The following RIMS3 variants were observed in gnomAD, a reference collection of about 807,000 sequenced individuals.
RIMS3 encodes the protein regulating synaptic membrane exocytosis protein 3.
Under a neutral mutation model 29.2 loss-of-function variants are expected in RIMS3, and 15 were observed. The ratio of observed to expected loss-of-function variants is 0.51; its 90% CI spans 0.34 to 0.79. RIMS3 has a LOEUF of 0.79. Among genes scored for constraint, RIMS3 ranks in the 30% least tolerant of loss-of-function variants. The probability of loss-of-function intolerance (pLI) is 0.01; values close to 1 mark genes in which losing one functional copy is unlikely to be tolerated. For synonymous variants in RIMS3, 161 were observed against 170.1 expected (o/e 0.95, Z 0.41); for missense variants, 342 against 421.4 (o/e 0.81, Z 1.65).
intron 1 of RIMS3, among the ~76,000 whole-genome samples, 180 bp downstream of exon 1, chr1:40,665,214 C>T (rs1256114836): frequency 6.6e-6 from 1 of 151,988 alleles, no homozygotes; most frequent in South Asian, 2.1e-4. Flanking sequence ...CTCTCTCATC[C>T]CTTAGTCCCC....
chr1:40,648,839 A>G (rs370332145), intron 1 of RIMS3, among the ~76,000 whole-genome samples: 63 of 152,276 alleles, frequency 4.1e-4, no homozygotes, highest in South Asian at 2.1e-3. Flanking sequence ...CCAGCATCTC[A>G]GCTCCTGACC....
At chr1:40,677,536 A>T in the RIMS3 span, among the ~76,000 whole-genome samples, 1 of 151,600 alleles carries the variant, frequency 6.6e-6, no homozygotes, top group Non-Finnish European at 1.5e-5. Flanking sequence ...GTCTTCACTA[A>T]AAATACAAAA....
At chr1:40,683,312 A>G in the RIMS3 span, among the ~76,000 whole-genome samples, 119,669 of 152,246 alleles carry the variant, frequency 0.79, 47,674 homozygotes, top group African/African-American at 0.9. Context: ...AACGTTGAGA[A>G]GTGGAACACT....
chr1:40,622,853 GGCA>G lies in RIMS3; in HGVS notation c.*3661_*3663del, dbSNP rs1476190039. The G allele has an allele frequency of 6.5e-6, 1 of 152,754 alleles. No homozygotes were observed. Among genetic ancestry groups the G allele is most frequent in the East Asian group, 1.9e-4 (1 of 5,194 alleles). The allele number at this position is 152,754 out of a possible 1,614,324, so 9.5% of individuals were successfully genotyped here. On this transcript the variant is annotated 3_prime_UTR_variant, in exon 8 of 8. Coordinates refer to ENST00000372684, the MANE Select transcript of RIMS3 (RefSeq NM_014747.3). ...GGGAAGAGGAGCTCAGCAACTCCTG[GGCA>G]GCAGGGCATGGAAGAGGGACCCTGG...
chr1:40,636,409 C>T lies in RIMS3; in HGVS notation c.218-352G>A, dbSNP rs2780946. Among the ~76,000 whole-genome samples, 20,934 of 152,100 alleles carry T rather than the reference C, an allele frequency of 0.14. 1,609 individuals are homozygous for T. Among genetic ancestry groups the T allele is most frequent in the African/African-American group, 0.19 (7,984 of 41,464 alleles). ...CTTCCCACTCGATTTCAGCCCTTGC[C>T]CCAAAGGTTAAGTGTGCCTCTTCCC... On this transcript the variant is annotated intron_variant, in intron 3 of 7. Coordinates refer to ENST00000372684, the MANE Select transcript of RIMS3 (RefSeq NM_014747.3). The surrounding 1 kb of genome is among the most constrained non-coding windows in gnomAD (Gnocchi z 4.2).
chr1:40,628,575 G>A (rs1381495431), intron 7 of RIMS3, among the ~76,000 whole-genome samples: 1 of 152,154 alleles, frequency 6.6e-6, no homozygotes, highest in African/African-American at 2.4e-5. Flanking sequence ...ATGTGTCCTG[G>A]TTCTACCTAC....
chr1:40,686,662 C>T, the RIMS3 span, among the ~76,000 whole-genome samples: 1 of 151,752 alleles, frequency 6.6e-6, no homozygotes, highest in Non-Finnish European at 1.5e-5. Context: ...GTCTCAAAAA[C>T]AAAAACAAAA....
At position 40,629,288 on chromosome 1, in the gene RIMS3, C is replaced by A; in HGVS notation, c.557G>T (p.Gly186Val). 6.2e-7 allele frequency: 1 copy of A among 1,614,082 alleles called. No homozygotes were observed. Among genetic ancestry groups the A allele is most frequent in the Non-Finnish European group, 8.5e-7 (1 of 1,179,972 alleles). The change falls in exon 6 of 8, where the codon GGC (glycine) becomes GTC (valine). Residue 186 changes from glycine (G) to valine (V), a missense_variant. Coordinates refer to ENST00000372684, the MANE Select transcript of RIMS3 (RefSeq NM_014747.3). ...IEARGLTPKP[G>V]SKSLPATYIK... ...TCCCTCACCTGGGAGGGATTTGGAG[C>A]CTGGTTTGGGGGTCAGGCCCCGAGC...
chr1:40,660,320 T>C (rs868686822), intron 1 of RIMS3, among the ~76,000 whole-genome samples: 2 of 150,914 alleles, frequency 1.3e-5, no homozygotes, highest in African/African-American at 2.4e-5. Flanking sequence ...CTGAAGCTGA[T>C]TGTGAGACAT....
In RIMS3 at chr1:40,657,962, A is replaced by T. The variant is rs550071889; in HGVS notation, c.-207+7432T>A. The stretch of plus-strand genomic sequence containing the variant: ...AAAATAAAATAAAATGGGAATAATA[A>T]TAGTACCCATCTTATAGAAGTGAAG... On this transcript the variant is annotated intron_variant, in intron 1 of 7. Coordinates refer to ENST00000372684, the MANE Select transcript of RIMS3 (RefSeq NM_014747.3). 1.7e-4 allele frequency among the ~76,000 whole-genome samples: 26 copies of T among 152,254 alleles called. 1 individual carries two copies. The East Asian group carries it at 5.0e-3, about 29-fold the overall frequency.
chr1:40,651,008 T>G (rs4660169), intron 1 of RIMS3, among the ~76,000 whole-genome samples: 39,519 of 151,930 alleles, frequency 0.26, 6,044 homozygotes, highest in Middle Eastern at 0.36. Context: ...TAAACCCTAT[T>G]CTTGGCTCAA....
At chr1:40,663,848 A>G (rs1327149019) in intron 1 of RIMS3, among the ~76,000 whole-genome samples, 1 of 152,178 alleles carries the variant, frequency 6.6e-6, no homozygotes, top group Non-Finnish European at 1.5e-5. Context: ...GGGGTTGCTC[A>G]TGAGTTCAGC....
chr1:40,649,192 C>T (rs888591565), intron 1 of RIMS3, among the ~76,000 whole-genome samples: 1 of 152,148 alleles, frequency 6.6e-6, no homozygotes, highest in African/African-American at 2.4e-5. Context: ...CACAGACACA[C>T]ACACACACAC....
chr1:40,667,975 G>A (rs903822911), upstream of RIMS3, among the ~76,000 whole-genome samples: 16 of 152,054 alleles, frequency 1.1e-4, no homozygotes, highest in African/African-American at 2.2e-4. Context: ...ACTTGTGGCC[G>A]GGGGCGGTGG....
At chr1:40,671,972 G>A in the RIMS3 span, among the ~76,000 whole-genome samples, 51 of 151,668 alleles carry the variant, frequency 3.4e-4, no homozygotes, top group Admixed American at 9.9e-4. Context: ...TGCCCAGGCT[G>A]GTCTCGAACT....
the RIMS3 span, among the ~76,000 whole-genome samples, chr1:40,680,602 G>C: frequency 1.3e-4 from 20 of 152,028 alleles, no homozygotes; most frequent in African/African-American, 4.8e-4. Context: ...AAAGTGTTGG[G>C]ATTACAGGCA....
intron 5 of RIMS3, among the ~76,000 whole-genome samples, chr1:40,631,551 C>T (rs993253896): frequency 5.3e-5 from 8 of 152,090 alleles, no homozygotes; most frequent in Admixed American, 6.5e-5. Context: ...TGGCGGTGTG[C>T]GCCTGTAGTC....
intron 1 of RIMS3, among the ~76,000 whole-genome samples, chr1:40,655,369 A>G (rs1281712146): frequency 6.6e-6 from 1 of 152,058 alleles, no homozygotes; most frequent in African/African-American, 2.4e-5. Context: ...AGGAGGTCTC[A>G]AGTCCTGGCC....
the RIMS3 span, among the ~76,000 whole-genome samples, chr1:40,679,303 C>T: frequency 6.6e-6 from 1 of 152,194 alleles, no homozygotes; most frequent in Non-Finnish European, 1.5e-5. Flanking sequence ...ATCCCCTCCC[C>T]AGGCACACAA....
Sources: allele counts gnomAD v4.1 joint callset (sites outside exome capture counted in the v4.1 genomes callset), GRCh38; gene constraint gnomAD v4.1.1; non-coding constraint Gnocchi (gnomAD v3.1); transcripts MANE v1.5; gene names NCBI Gene and HGNC (gene_info 2026-07-23, HGNC 2026-07-21).